ARHGAP31: variants seen among roughly 807,000 people sequenced by gnomAD.
The protein encoded by ARHGAP31 is Rho GTPase activating protein 31.
Under a neutral mutation model 113.9 loss-of-function variants are expected in ARHGAP31, and 34 were observed. That is an observed-to-expected ratio of 0.30 (90% confidence interval 0.23 to 0.40). The LOEUF is 0.40. Ranked by LOEUF, ARHGAP31 falls within the 10% of genes least tolerant of loss-of-function variation. The pLI, the probability that ARHGAP31 is intolerant of heterozygous loss-of-function variation, is 1.00. For missense variants in ARHGAP31, 1,548 were observed against 1,767.1 expected, an observed-to-expected ratio of 0.88 and a Z score of 2.22; for synonymous variants, 650 against 684.8, an observed-to-expected ratio of 0.95 and a Z score of 0.79.
Position 119,386,713 on chromosome 3 carries a change from A to T in ARHGAP31, c.682+3487A>T, listed in dbSNP as rs757845842. ...GCCCCAAATGTCGGGCTGCGCTGTT[A>T]TTTATTGGATACAAGGCAGAAGGAG... On this transcript the variant is annotated intron_variant, in intron 6 of 11. Transcript: ENST00000264245. 2.0e-5 allele frequency among the ~76,000 whole-genome samples: 3 copies of T among 152,160 alleles called. No homozygotes were observed. The East Asian group carries it at 5.8e-4, about 29-fold the overall frequency.
At chr3:119,313,249 A>G (rs1325078704) in intron 1 of ARHGAP31, among the ~76,000 whole-genome samples, 1 of 152,204 alleles carries the variant, frequency 6.6e-6, no homozygotes, top group Non-Finnish European at 1.5e-5. Context: ...AGAATCAACT[A>G]GTGTTATTTT....
rs2080787472 is a variant in ARHGAP31, at chr3:119,417,358, A to G, written c.*1094A>G. 1 of 152,322 alleles carries G rather than the reference A, an allele frequency of 6.6e-6. No homozygotes were observed. The highest frequency in any genetic ancestry group is 2.1e-4 in the South Asian group (1 of 4,838). The allele number at this position is 152,322 out of a possible 1,614,324, so 9.4% of individuals were successfully genotyped here. Reference sequence around the variant, plus strand: ...AGGGAAGAGCCCTAGCAGGGCGGCCATCACAACCACTCACTGAGAGTTGCC... The same window carrying G: ...AGGGAAGAGCCCTAGCAGGGCGGCCGTCACAACCACTCACTGAGAGTTGCC... On this transcript the variant is annotated 3_prime_UTR_variant, in exon 12 of 12. Transcript: ENST00000264245.
chr3:119,313,413 A>T (rs77998891), intron 1 of ARHGAP31, among the ~76,000 whole-genome samples: 2 of 152,330 alleles, frequency 1.3e-5, no homozygotes, highest in East Asian at 3.9e-4. Flanking sequence ...CTAAATATTG[A>T]TCACTTATCT....
chr3:119,307,043 G>GTT (rs11451539), intron 1 of ARHGAP31, among the ~76,000 whole-genome samples: 2,325 of 148,978 alleles, frequency 0.016, 57 homozygotes, highest in African/African-American at 0.053. Context: ...AAGTCTGTTA[G>GTT]TTTTTTTTTT....
intron 6 of ARHGAP31, among the ~76,000 whole-genome samples, chr3:119,389,441 A>G (rs183033672): frequency 6.6e-5 from 10 of 152,346 alleles, no homozygotes; most frequent in Admixed American, 5.9e-4. Context: ...TTCAAAGTAG[A>G]TTAAATTTAA....
At chr3:119,372,527 C>G (rs1405173271) in intron 3 of ARHGAP31, among the ~76,000 whole-genome samples, 4 of 152,170 alleles carry the variant, frequency 2.6e-5, no homozygotes, top group African/African-American at 9.7e-5. Context: ...AGGTGATCCA[C>G]CCACCTTGGC....
chr3:119,410,442 T>C (rs1216952689), intron 11 of ARHGAP31, among the ~76,000 whole-genome samples: 2 of 152,128 alleles, frequency 1.3e-5, no homozygotes, highest in Non-Finnish European at 2.9e-5. Context: ...GAGGATGCCT[T>C]TGAACTTGCT....
intron 1 of ARHGAP31, among the ~76,000 whole-genome samples, chr3:119,307,193 T>C (rs1014906584): frequency 1.3e-5 from 2 of 152,172 alleles, no homozygotes; most frequent in African/African-American, 4.8e-5. Context: ...TTTGTGACCA[T>C]GGACAAGCTA....
At chr3:119,305,458 G>A (rs1484575004) in intron 1 of ARHGAP31, among the ~76,000 whole-genome samples, 1 of 152,102 alleles carries the variant, frequency 6.6e-6, no homozygotes, top group Non-Finnish European at 1.5e-5. Flanking sequence ...GGTATTATTG[G>A]GAAACAATGA....
chr3:119,341,819 T>C (rs2080010488), intron 1 of ARHGAP31: 1 of 150,280 alleles, frequency 6.7e-6, no homozygotes, highest in Non-Finnish European at 1.5e-5. Flanking sequence ...AGACATCCTC[T>C]CACTTTTTTT....
intron 2 of ARHGAP31, among the ~76,000 whole-genome samples, chr3:119,367,225 C>T (rs1476665997): frequency 6.6e-6 from 1 of 152,108 alleles, no homozygotes. Context: ...GAATGGGCAG[C>T]GAGCTGTTTC....
intron 1 of ARHGAP31, among the ~76,000 whole-genome samples, chr3:119,345,791 C>A (rs2080051197): frequency 6.6e-6 from 1 of 152,144 alleles, no homozygotes; most frequent in Non-Finnish European, 1.5e-5. Context: ...GTGCTTGAGG[C>A]AGGATCAGTG....
At chr3:119,361,282 G>A (rs1313570009) in intron 1 of ARHGAP31, among the ~76,000 whole-genome samples, 1 of 151,610 alleles carries the variant, frequency 6.6e-6, no homozygotes, top group Non-Finnish European at 1.5e-5. Context: ...CTACTGAATT[G>A]CAATATGCAT....
At position 119,303,270 on chromosome 3, in the gene ARHGAP31, A is replaced by G. The variant is rs531570052; in HGVS notation, c.100+8266A>G. ...TTCTAGGAAGCTCAGGATAAGGCACATTGCTGATGTGCTGGATTATCAGGA... is the reference window on the plus strand; with the variant it reads ...TTCTAGGAAGCTCAGGATAAGGCACGTTGCTGATGTGCTGGATTATCAGGA... On this transcript the variant is annotated intron_variant, in intron 1 of 11. Coordinates refer to ENST00000264245, the MANE Select transcript of ARHGAP31 (RefSeq NM_020754.4). 4.9e-4 allele frequency among the ~76,000 whole-genome samples: 75 copies of G among 152,328 alleles called. 1 individual carries two copies. Among genetic ancestry groups the G allele is most frequent in the Middle Eastern group, 6.8e-3 (2 of 294 alleles).
In ARHGAP31 at chr3:119,414,398, G is replaced by A; in HGVS notation, c.2469G>A (p.Lys823=). The change falls in exon 12 of 12, where the codon AAG becomes AAA. Residue 823 remains lysine (K), a synonymous_variant. Transcript: ENST00000264245. ...LRTDLYIDQL[K]SQDSPEISSL... The stretch of plus-strand genomic sequence containing the variant: ...CAGATCTCTACATAGACCAGCTGAA[G>A]TCCCAAGACAGCCCTGAGATCTCTA... The A allele has an allele frequency of 6.2e-7, 1 of 1,614,196 alleles. No individual in the cohort carries two copies. The highest frequency in any genetic ancestry group is 8.5e-7 in the Non-Finnish European group (1 of 1,180,030).
rs746432091 is a variant in ARHGAP31, at chr3:119,415,219, C to T, written c.3290C>T (p.Pro1097Leu). 2 of 1,614,148 alleles carry T rather than the reference C, an allele frequency of 1.2e-6. No homozygotes were observed. The highest frequency in any genetic ancestry group is 2.2e-5 in the East Asian group (1 of 44,874). Residue 1097 changes from proline (P) to leucine (L), a missense_variant, in exon 12 of 12, where the codon CCC (proline) becomes CTC (leucine). Physicochemically the swap from Pro to Leu is moderately conservative, Grantham distance 98. Transcript: ENST00000264245. ...KLQLKSTECG[P>L]PKGKNRPSSL... The stretch of plus-strand genomic sequence containing the variant: ...CAGCTAAAGAGCACAGAGTGTGGGC[C>T]CCCAAAAGGGAAAAACAGGCCTTCT...
intron 1 of ARHGAP31, among the ~76,000 whole-genome samples, chr3:119,357,391 G>A (rs1003957134): frequency 2.6e-5 from 4 of 152,186 alleles, no homozygotes; most frequent in Non-Finnish European, 5.9e-5. Context: ...GCTGTCCAGC[G>A]TGGCTGGAAC....
At chr3:119,340,222 T>C (rs2079995888) in intron 1 of ARHGAP31, among the ~76,000 whole-genome samples, 1 of 152,204 alleles carries the variant, frequency 6.6e-6, no homozygotes, top group Admixed American at 6.5e-5. Flanking sequence ...ATGAGACACA[T>C]GTCATTTGGT....
At chr3:119,413,792 A>G (rs2080740405) in intron 11 of ARHGAP31, 64 bp from the exon 12 acceptor site, 1 of 1,611,670 alleles carries the variant, frequency 6.2e-7, no homozygotes, top group African/African-American at 1.3e-5. Flanking sequence ...CTCTCACTGG[A>G]AACGCTGATG....
Sources: gnomAD v4.1 joint callset for allele counts (sites outside exome capture counted in the v4.1 genomes callset) on GRCh38, gnomAD v4.1.1 for gene constraint, MANE v1.5 for transcripts, NCBI Gene and HGNC (gene_info 2026-07-23, HGNC 2026-07-21) for gene names.